USP33: variants seen among roughly 807,000 people sequenced by gnomAD.
USP33 encodes ubiquitin specific peptidase 33, also known as ubiquitin carboxyl-terminal hydrolase 33.
In USP33, 46 loss-of-function variants were observed where a neutral mutation model predicts 124.2. The ratio of observed to expected loss-of-function variants is 0.37; its 90% confidence interval spans 0.29 to 0.47. The LOEUF is 0.47. Among genes scored for constraint, USP33 ranks in the 20% least tolerant of loss-of-function variants. USP33 has a pLI of 0.99. For synonymous variants in USP33, 350 were observed against 352.3 expected (o/e 0.99, Z 0.07); for missense variants, 851 against 1,070.6 (o/e 0.79, Z 2.86).
At chr1:77,716,101 C>T (rs1675852545) in intron 17 of USP33, among the ~76,000 whole-genome samples, 1 of 152,076 alleles carries the variant, frequency 6.6e-6, no homozygotes, top group Non-Finnish European at 1.5e-5. Context: ...CTCTGTTGCC[C>T]AAGCTGGCGT....
In USP33 at chr1:77,741,658, C is replaced by A. The variant is rs141346087; in HGVS notation, c.40G>T (p.Val14Phe). The change falls in exon 2 of 24, where the codon GTT becomes TTT. Residue 14 changes from valine to phenylalanine, a missense_variant. Physicochemically the swap from Val to Phe is conservative, Grantham distance 50. This residue lies in a region of USP33 where 221 missense variants were observed against 302.9 expected (regional missense o/e 0.73). Transcript: ENST00000370794. ...AAATCTTCTTTTGTTATTTCACCAA[C>A]TGAATCCAAATGTGGACAATGATTT... ...FRNHCPHLDS[V>F]GEITKEDLIQ... The A allele has an allele frequency of 6.2e-7, 1 of 1,602,080 alleles. No individual in the cohort carries two copies. Among genetic ancestry groups the A allele is most frequent in the East Asian group, 2.2e-5 (1 of 44,606 alleles).
intron 23 of USP33, 65 bp downstream of exon 23, chr1:77,697,798 G>A: frequency 7.0e-7 from 1 of 1,425,310 alleles, no homozygotes; most frequent in Non-Finnish European, 9.7e-7. Flanking sequence ...GATGACTAAT[G>A]ATAACATATT....
intron 10 of USP33, among the ~76,000 whole-genome samples, chr1:77,727,914 A>ATTTG (rs1456588602): frequency 6.6e-6 from 1 of 152,332 alleles, no homozygotes; most frequent in East Asian, 1.9e-4. Flanking sequence ...TGTGACTCCA[A>ATTTG]TGACAACAAT....
At position 77,740,885 on chromosome 1, in the gene USP33, G is replaced by A; in HGVS notation, c.190C>T (p.His64Tyr). 6.4e-7 allele frequency: 1 copy of A among 1,566,520 alleles called. No individual in the cohort carries two copies. The highest frequency in any genetic ancestry group is 8.7e-7 in the Non-Finnish European group (1 of 1,152,942). Residue 64 changes from histidine (H) to tyrosine (Y), a missense_variant, in exon 4 of 24, where the codon CAT becomes TAT. His to Tyr is a moderately conservative substitution (Grantham distance 83). Around this residue, in one of 4 missense-constraint regions of USP33, gnomAD observed 221 missense variants for 302.9 expected, o/e 0.73. Transcript: ENST00000370794. ...ATTTTTTATATACATACCTGAGAATGTATGGTGCTGTGATCTACTTGTGAT... is the reference window on the plus strand; with the variant it reads ...ATTTTTTATATACATACCTGAGAATATATGGTGCTGTGATCTACTTGTGAT... ...GESQVDHSTI[H>Y]SQETKHYLTV...
At chr1:77,738,531 A>G (rs1291222071) in intron 5 of USP33, among the ~76,000 whole-genome samples, 1 of 151,298 alleles carries the variant, frequency 6.6e-6, no homozygotes, top group African/African-American at 2.4e-5. Context: ...CCTAGGCTGG[A>G]GTGCAGTGGC....
At position 77,702,141 on chromosome 1, in the gene USP33, C is replaced by CAAAAAAAAAAAAAAAAAAAAAAAAAAAA. The variant is rs58750531; in HGVS notation, c.2407-698_2407-671dup. On this transcript the variant is annotated intron_variant, in intron 21 of 23. Coordinates refer to ENST00000370794, the MANE Select transcript of USP33 (RefSeq NM_201624.3). ...TGGGTGACAGAACAAGACCCTGTCT[C>CAAAAAAAAAAAAAAAAAAAAAAAAAAAA]AAAAAAAAAAAAAAAAAAAAAAAAA... Among the ~76,000 whole-genome samples the CAAAAAAAAAAAAAAAAAAAAAAAAAAAA allele has an allele frequency of 5.7e-4, 9 of 15,782 alleles. 1 individual carries two copies. Among genetic ancestry groups the CAAAAAAAAAAAAAAAAAAAAAAAAAAAA allele is most frequent in the African/African-American group, 1.2e-3 (9 of 7,802 alleles). 10.4% of individuals were successfully genotyped at this position (15,782 alleles called of 152,430 possible). A position where few individuals can be genotyped will look rare whatever the true frequency, so the allele number is the denominator to read the frequency against.
intron 10 of USP33, among the ~76,000 whole-genome samples, chr1:77,726,648 G>GA (rs112444513): frequency 0.43 from 58,076 of 135,270 alleles, 13,554 homozygotes; most frequent in African/African-American, 0.66. Flanking sequence ...CCTGTTTCAG[G>GA]AAAAAAAAAA....
Position 77,741,673 on chromosome 1 carries a change from G to A in USP33, c.25C>T (p.Pro9Ser), listed in dbSNP as rs574808958. MSAFRNHC[P>S]HLDSVGEITK... ...ATTTCACCAACTGAATCCAAATGTG[G>A]ACAATGATTTCGAAAAGCTGACATT... The change falls in exon 2 of 24, where the codon CCA (proline) becomes TCA (serine). Residue 9 changes from proline (P) to serine (S), a missense_variant. Pro to Ser is a moderately conservative substitution (Grantham distance 74). Transcript: ENST00000370794. The A allele has an allele frequency of 2.6e-5, 42 of 1,605,176 alleles. No homozygotes were observed. In the South Asian group the frequency reaches 4.5e-4, roughly 17 times the overall value.
At chr1:77,753,836 T>C (rs1005842156) in intron 1 of USP33, among the ~76,000 whole-genome samples, 2 of 149,684 alleles carry the variant, frequency 1.3e-5, no homozygotes, top group Non-Finnish European at 3.0e-5. Context: ...TACGTTAATA[T>C]ATAATTACAT....
chr1:77,705,683 AT>A (rs1016113430), intron 21 of USP33, among the ~76,000 whole-genome samples: 3 of 150,866 alleles, frequency 2.0e-5, no homozygotes, highest in Non-Finnish European at 3.0e-5. Flanking sequence ...AAAAAAAAAA[AT>A]TTTATTAAGG....
chr1:77,716,774 G>T (rs1307122962), intron 17 of USP33, among the ~76,000 whole-genome samples: 1 of 152,098 alleles, frequency 6.6e-6, no homozygotes, highest in Non-Finnish European at 1.5e-5. Flanking sequence ...CCTCCAGAAG[G>T]GTTTGTGTAT....
chr1:77,741,276 C>T (rs780796348), intron 3 of USP33, 100 bp downstream of exon 3: 3 of 1,190,218 alleles, frequency 2.5e-6, no homozygotes, highest in South Asian at 1.7e-5. Flanking sequence ...GTTTAATTTA[C>T]AAAAATCACT....
chr1:77,730,416 C>A (rs1242311684), intron 8 of USP33, among the ~76,000 whole-genome samples: 1 of 152,190 alleles, frequency 6.6e-6, no homozygotes, highest in East Asian at 1.9e-4. Context: ...TACTTGTAGA[C>A]TTCTATGACA....
At chr1:77,730,592 G>A (rs1677693587) in intron 8 of USP33, 26 bp downstream of exon 8, 2 of 1,350,906 alleles carry the variant, frequency 1.5e-6, no homozygotes, top group East Asian at 2.4e-5. Context: ...GTTTAATAAA[G>A]AAGAAGAGTA....
At chr1:77,750,156 A>G (rs1389082937) in intron 1 of USP33, among the ~76,000 whole-genome samples, 2 of 151,806 alleles carry the variant, frequency 1.3e-5, no homozygotes, top group Admixed American at 1.3e-4. Flanking sequence ...CTTCTTTACT[A>G]AAAATACAAA....
chr1:77,756,041 C>T (rs1252147604), intron 1 of USP33, among the ~76,000 whole-genome samples: 1 of 152,200 alleles, frequency 6.6e-6, no homozygotes, highest in Non-Finnish European at 1.5e-5. Context: ...GTCCTTCTGT[C>T]AACCCTTCTT....
chr1:77,711,530 C>T (rs966537361), intron 21 of USP33: 3 of 1,390 alleles, frequency 2.2e-3, no homozygotes, highest in East Asian at 0.053. Context: ...TTGTCTCATA[C>T]ACACACACAC....
intron 18 of USP33, chr1:77,715,009 A>G (rs1675701554): frequency 2.5e-6 from 1 of 406,226 alleles, no homozygotes; most frequent in Admixed American, 4.4e-5. Context: ...GGAACACAGT[A>G]AGCATTCAAA....
chr1:77,713,224 T>G lies in USP33; in HGVS notation c.2273A>C (p.Asn758Thr). The stretch of plus-strand genomic sequence containing the variant: ...CCTGCTATATAGGTTATCCCAAATG[T>G]TCTGAGGCAGCATCAAAACCAGGTC... ...IEDLVLMLPQ[N>T]IWDNLYSRYG... is the part of the protein sequence containing the mutation. Residue 758 changes from asparagine to threonine, a missense_variant, in exon 20 of 24, where the codon AAC (asparagine) becomes ACC (threonine). Physicochemically the swap from Asn to Thr is moderately conservative, Grantham distance 65. Transcript: ENST00000370794. The G allele has an allele frequency of 6.3e-7, 1 of 1,588,064 alleles. No homozygotes were observed. The highest frequency in any genetic ancestry group is 1.2e-5 in the South Asian group (1 of 86,132).
Sources: gnomAD v4.1 joint callset for allele counts (sites outside exome capture counted in the v4.1 genomes callset) on GRCh38, gnomAD v4.1.1 for gene constraint, gnomAD v4.1.1 regional missense constraint, MANE v1.5 for transcripts, NCBI Gene and HGNC (gene_info 2026-07-23, HGNC 2026-07-21) for gene names.